Variants in LTBP1 observed in about 807,000 individuals in gnomAD.
The protein encoded by LTBP1 is latent-transforming growth factor beta-binding protein 1.
Under a neutral mutation model 207.6 loss-of-function variants are expected in LTBP1, and 129 were observed. That is an observed-to-expected ratio of 0.62 (90% CI 0.54 to 0.72). LTBP1 has a LOEUF of 0.72. LTBP1 is among the 30% of genes least tolerant of loss of function. The probability of loss-of-function intolerance (pLI) is 0.00; values close to 1 mark genes in which losing one functional copy is unlikely to be tolerated. For synonymous variants in LTBP1, 963 were observed against 833.7 expected (o/e 1.16, Z -2.67); for missense variants, 2,281 against 2,217.2 (o/e 1.03, Z -0.58).
chr2:33,166,139 T>A (rs932835447), intron 5 of LTBP1, among the ~76,000 whole-genome samples: 15 of 151,934 alleles, frequency 9.9e-5, no homozygotes, highest in Non-Finnish European at 1.9e-4. Flanking sequence ...ATCAATTTGG[T>A]AAATTTATTA....
In LTBP1 at chr2:33,134,668, C is replaced by A; in HGVS notation, c.1034-125C>A. On this transcript the variant is annotated intron_variant, in intron 4 of 33. Transcript: ENST00000404816. The surrounding 1 kb of genome is among the most constrained non-coding windows in gnomAD (Gnocchi z 4.4). Reference sequence around the variant, plus strand: ...TTCCTTAAACCTGTCGGGTTGTGGGCTCTCTCTTTTCCCCTCTTGCTCCTT... The same window carrying A: ...TTCCTTAAACCTGTCGGGTTGTGGGATCTCTCTTTTCCCCTCTTGCTCCTT... 6.4e-7 allele frequency: 1 copy of A among 1,563,282 alleles called. No individual in the cohort carries two copies.
intron 2 of LTBP1, among the ~76,000 whole-genome samples, chr2:32,974,306 G>A (rs773630997): frequency 2.0e-5 from 3 of 151,656 alleles, no homozygotes; most frequent in Non-Finnish European, 4.4e-5. Context: ...GGGGTGAGAT[G>A]ATATCTCATT....
At chr2:33,045,606 GT>G (rs755171619) in intron 3 of LTBP1, among the ~76,000 whole-genome samples, 60 of 152,078 alleles carry the variant, frequency 3.9e-4, no homozygotes, top group Non-Finnish European at 1.5e-4. Flanking sequence ...GCTCTTTTTT[GT>G]TTCCATATGA....
intron 2 of LTBP1, among the ~76,000 whole-genome samples, chr2:32,984,264 A>G (rs907928792): frequency 9.8e-5 from 15 of 152,320 alleles, no homozygotes; most frequent in African/African-American, 3.4e-4. Flanking sequence ...TTCTGATACT[A>G]CAAGTGGTTT....
At chr2:33,088,186 G>T (rs1241301774) in intron 3 of LTBP1, among the ~76,000 whole-genome samples, 2 of 152,216 alleles carry the variant, frequency 1.3e-5, no homozygotes, top group Non-Finnish European at 2.9e-5. Flanking sequence ...GGGCGCGGTG[G>T]CTCACGCCTG....
intron 5 of LTBP1, among the ~76,000 whole-genome samples, chr2:33,151,020 G>A (rs183749449): frequency 9.0e-4 from 137 of 152,068 alleles, no homozygotes; most frequent in Middle Eastern, 3.4e-3. Flanking sequence ...GATTACAGGC[G>A]TGAACCACCA....
chr2:33,197,594 T>A (rs903492034), intron 7 of LTBP1, among the ~76,000 whole-genome samples: 7 of 152,238 alleles, frequency 4.6e-5, no homozygotes, highest in African/African-American at 7.2e-5. Flanking sequence ...GTTTTTAAAT[T>A]GGATCTCTTT....
chr2:32,960,056 G>A (rs1231002014), intron 2 of LTBP1, among the ~76,000 whole-genome samples: 6 of 152,050 alleles, frequency 3.9e-5, no homozygotes, highest in African/African-American at 1.2e-4. Flanking sequence ...TAAATGAGCC[G>A]AGACTTATCA....
intron 2 of LTBP1, among the ~76,000 whole-genome samples, chr2:32,999,296 C>T (rs1043615722): frequency 2.0e-5 from 3 of 152,214 alleles, no homozygotes; most frequent in African/African-American, 7.2e-5. Context: ...GTTTTCTTTC[C>T]GGGATGTGCA....
chr2:33,150,704 C>CTTTTT (rs1211013076), intron 5 of LTBP1, among the ~76,000 whole-genome samples: 70 of 108,818 alleles, frequency 6.4e-4, no homozygotes, highest in African/African-American at 2.4e-3. Flanking sequence ...TTTCTTTTTT[C>CTTTTT]TTTTTCTTTT....
rs1174312732 is a variant in LTBP1, at chr2:33,168,076, A to T, written c.1202-18780A>T. On this transcript the variant is annotated intron_variant, in intron 5 of 33. Transcript: ENST00000404816. ...TAGACATTCCTATCACTCTGTGCAT[A>T]GTTGTAAGAACAGAAAATGGAGGCT... 2.6e-5 allele frequency among the ~76,000 whole-genome samples: 4 copies of T among 152,210 alleles called. No homozygotes were observed. The East Asian group carries it at 7.7e-4, about 29-fold the overall frequency.
chr2:32,996,873 G>A (rs1306348341), intron 2 of LTBP1, among the ~76,000 whole-genome samples: 2 of 151,962 alleles, frequency 1.3e-5, no homozygotes, highest in South Asian at 2.1e-4. Context: ...GGTGGTATGG[G>A]TGGAACTTTT....
chr2:33,133,423 C>G (rs1363747446), intron 4 of LTBP1, among the ~76,000 whole-genome samples: 1 of 152,200 alleles, frequency 6.6e-6, no homozygotes, highest in Non-Finnish European at 1.5e-5. Flanking sequence ...GCCTTAAAGC[C>G]TGACAGATGA....
chr2:33,096,282 A>C (rs1326106302), intron 3 of LTBP1, among the ~76,000 whole-genome samples: 3 of 152,126 alleles, frequency 2.0e-5, no homozygotes, highest in Non-Finnish European at 2.9e-5. Flanking sequence ...CCAAAGAAAA[A>C]TCCTCCAAAA....
intron 6 of LTBP1, 42 bp from the exon 7 acceptor site, chr2:33,188,535 A>C: frequency 6.6e-7 from 1 of 1,508,208 alleles, no homozygotes; most frequent in East Asian, 2.3e-5. Flanking sequence ...TTTGCCTGTT[A>C]GTTATTCAGG....
intron 4 of LTBP1, among the ~76,000 whole-genome samples, chr2:33,117,868 G>A (rs1412494474): frequency 1.3e-5 from 2 of 152,178 alleles, no homozygotes; most frequent in East Asian, 3.8e-4. Flanking sequence ...GATCTTCAGA[G>A]GAGGAGCCAT....
intron 3 of LTBP1, among the ~76,000 whole-genome samples, chr2:33,068,589 A>C (rs961494268): frequency 6.6e-6 from 1 of 152,218 alleles, no homozygotes; most frequent in Middle Eastern, 3.4e-3. Context: ...TCTATGCTCC[A>C]CCTATTCATT....
chr2:32,991,266 C>G (rs1684369959), intron 2 of LTBP1, among the ~76,000 whole-genome samples: 1 of 152,160 alleles, frequency 6.6e-6, no homozygotes, highest in African/African-American at 2.4e-5. Flanking sequence ...AAAAATGGAT[C>G]TTAGGTGGCC....
intron 5 of LTBP1, among the ~76,000 whole-genome samples, chr2:33,185,184 G>A (rs2087063517): frequency 6.6e-6 from 1 of 152,154 alleles, no homozygotes; most frequent in Non-Finnish European, 1.5e-5. Context: ...AGAGAATGAG[G>A]TAAGATTGCT....
Sources: allele counts gnomAD v4.1 joint callset (sites outside exome capture counted in the v4.1 genomes callset), GRCh38; gene constraint gnomAD v4.1.1; non-coding constraint Gnocchi (gnomAD v3.1); transcripts MANE v1.5; gene names NCBI Gene and HGNC (gene_info 2026-07-23, HGNC 2026-07-21).